The following FER1L5 variants were observed in gnomAD, a reference collection of about 807,000 sequenced individuals.
FER1L5 encodes fer-1-like protein 5.
Under a neutral mutation model 279.9 loss-of-function variants are expected in FER1L5, and 187 were observed. That is an observed-to-expected ratio of 0.67 (90% CI 0.59 to 0.75). The LOEUF is 0.75. FER1L5 is among the 30% of genes least tolerant of loss of function. The pLI is 0.00. For synonymous variants in FER1L5, 921 were observed against 989.7 expected, an observed-to-expected ratio of 0.93 and a Z score of 1.30; for missense variants, 2,091 against 2,594.4, an observed-to-expected ratio of 0.81 and a Z score of 4.21.
chr2:96,698,850 C>T lies in FER1L5; in HGVS notation c.4518+18C>T, dbSNP rs2077482240. On this transcript the variant is annotated intron_variant, in intron 41 of 52. Transcript: ENST00000624922. This position sits in a 1 kb window ranked among gnomAD's most constrained non-coding sequence, Gnocchi z 5.5. Reference sequence around the variant, plus strand: ...ATGGCCTGGTAAAGAACAGTACCTGCCCCACACAGGTGCCCCGCACGCTCC... The same window carrying T: ...ATGGCCTGGTAAAGAACAGTACCTGTCCCACACAGGTGCCCCGCACGCTCC... The T allele has an allele frequency of 6.4e-7, 1 of 1,555,944 alleles. No homozygotes were observed. The highest frequency in any genetic ancestry group is 8.7e-7 in the Non-Finnish European group (1 of 1,149,604).
intron 1 of FER1L5, among the ~76,000 whole-genome samples, chr2:96,645,657 C>T (rs112036964): frequency 0.1 from 15,927 of 151,998 alleles, 1,902 homozygotes; most frequent in African/African-American, 0.29. Flanking sequence ...GTATGGTGGC[C>T]TGTAGTCCAA....
intron 19 of FER1L5, among the ~76,000 whole-genome samples, chr2:96,675,331 A>G (rs1450058067): frequency 7.9e-5 from 12 of 152,236 alleles, no homozygotes; most frequent in Non-Finnish European, 1.8e-4. Flanking sequence ...AAGTGATTAT[A>G]CCAAATTACA....
At chr2:96,650,360 C>A in intron 6 of FER1L5, 71 bp downstream of exon 6, 2 of 1,280,246 alleles carry the variant, frequency 1.6e-6, no homozygotes, top group Non-Finnish European at 2.2e-6. Context: ...CCCAGGCCAC[C>A]TCACCCCTCC....
intron 10 of FER1L5, 76 bp downstream of exon 10, chr2:96,660,447 C>T (rs1273731010): frequency 3.6e-6 from 5 of 1,383,818 alleles, no homozygotes; most frequent in Non-Finnish European, 5.0e-6. Context: ...TTAAAATCCC[C>T]ATATGTCCAA....
At position 96,698,632 on chromosome 2, in the gene FER1L5, C is replaced by A; in HGVS notation, c.4357-39C>A. On this transcript the variant is annotated intron_variant, in intron 40 of 52. Coordinates refer to ENST00000624922, the MANE Select transcript of FER1L5 (RefSeq NM_001293083.2). This position sits in a 1 kb window ranked among gnomAD's most constrained non-coding sequence, Gnocchi z 5.5. ...CAGAGGGCTTTACAGAGCTGGCCAG[C>A]ACTGCCAGGCTGGGCCCCCAACACC... 4 of 1,533,122 alleles carry A rather than the reference C, an allele frequency of 2.6e-6. No homozygotes were observed. The highest frequency in any genetic ancestry group is 2.4e-5 in the East Asian group (1 of 41,476). 95.0% of individuals were successfully genotyped at this position (1,533,122 alleles called of 1,614,324 possible). A position where few individuals can be genotyped will look rare whatever the true frequency, so the allele number is the denominator to read the frequency against.
chr2:96,659,413 C>CTTTCTTTCTTTCTT (rs2075815562), intron 9 of FER1L5, among the ~76,000 whole-genome samples: 1 of 6,372 alleles, frequency 1.6e-4, no homozygotes, highest in Admixed American at 2.4e-3. Context: ...TTCTTTCTTT[C>CTTTCTTTCTTTCTT]TTTCTTTCTT....
chr2:96,677,637 G>A (rs1231991828), intron 19 of FER1L5, among the ~76,000 whole-genome samples: 1 of 152,034 alleles, frequency 6.6e-6, no homozygotes, highest in South Asian at 2.1e-4. Context: ...AGGCTGAGGC[G>A]GGTGGATCAC....
intron 10 of FER1L5, among the ~76,000 whole-genome samples, chr2:96,660,619 A>G (rs754305442): frequency 3.3e-5 from 5 of 152,190 alleles, no homozygotes; most frequent in South Asian, 2.1e-4. Flanking sequence ...CAGTGGCTCA[A>G]TCTTGGCTCA....
At chr2:96,648,663 C>A (rs1402971210) in intron 4 of FER1L5, among the ~76,000 whole-genome samples, 2 of 152,218 alleles carry the variant, frequency 1.3e-5, no homozygotes, top group Non-Finnish European at 1.5e-5. Context: ...AGCAGTCTGA[C>A]CTCCTACAAG....
At chr2:96,703,704 C>A in intron 51 of FER1L5, 72 bp downstream of exon 51, 1 of 1,381,866 alleles carries the variant, frequency 7.2e-7, no homozygotes, top group Non-Finnish European at 1.0e-6. Context: ...GACCAGTGGG[C>A]CTATCATGGA....
rs370597993 is a variant in FER1L5 at position 96,698,108 on chromosome 2, C to T, written c.4308C>T (p.Leu1436=). ...GLQDFCQTFK[L]YQEQPKLDSP... ...AGGACTTCTGCCAGACCTTCAAACT[C>T]TACCAGGAGCAGCCCAAGTTGGACA... The change falls in exon 40 of 53, where the codon CTC becomes CTT. Residue 1436 remains leucine (L), a synonymous_variant. Transcript: ENST00000624922. This position sits in a 1 kb window ranked among gnomAD's most constrained non-coding sequence, Gnocchi z 5.5. 57 of 1,586,122 alleles carry T rather than the reference C, an allele frequency of 3.6e-5. No individual in the cohort carries two copies. The highest frequency in any genetic ancestry group is 4.5e-5 in the Non-Finnish European group (52 of 1,166,506).
intron 18 of FER1L5, among the ~76,000 whole-genome samples, chr2:96,671,017 G>A (rs1428305229): frequency 6.9e-6 from 1 of 144,154 alleles, no homozygotes; most frequent in Non-Finnish European, 1.5e-5. Context: ...TGAGGCAGGA[G>A]GATTTCTTGA....
chr2:96,670,722 G>T (rs1438915414), intron 18 of FER1L5, among the ~76,000 whole-genome samples: 3 of 151,790 alleles, frequency 2.0e-5, no homozygotes, highest in Non-Finnish European at 2.9e-5. Flanking sequence ...GGAGGCGGAG[G>T]TTGCAGTGGG....
At chr2:96,701,051 C>T (rs1422415634) in intron 45 of FER1L5, among the ~76,000 whole-genome samples, 2 of 152,214 alleles carry the variant, frequency 1.3e-5, no homozygotes, top group South Asian at 2.1e-4. Context: ...CAGTGGCTCA[C>T]GCCTGTAATC....
chr2:96,646,774 C>G (rs762906045), intron 2 of FER1L5, among the ~76,000 whole-genome samples: 8 of 152,192 alleles, frequency 5.3e-5, no homozygotes, highest in Non-Finnish European at 1.2e-4. Flanking sequence ...GCATGACTCC[C>G]TCTCATCTGC....
rs374275745 is a variant in FER1L5 at position 96,691,689 on chromosome 2, C to T, written c.3075+77C>T. 20 of 1,532,312 alleles carry T rather than the reference C, an allele frequency of 1.3e-5. No individual in the cohort carries two copies. The highest frequency in any genetic ancestry group is 1.1e-4 in the African/African-American group (8 of 72,812). The allele number at this position is 1,532,312 out of a possible 1,614,324, so 94.9% of individuals were successfully genotyped here. A position where few individuals can be genotyped will look rare whatever the true frequency, so the allele number is the denominator to read the frequency against. ...AAGCCAGGGCCTGGCCTGGCTGGGG[C>T]GCTGACTGCGGAGGAAGGGCCTCTG... On this transcript the variant is annotated intron_variant, in intron 29 of 52. Transcript: ENST00000624922. The surrounding 1 kb of genome is among the most constrained non-coding windows in gnomAD (Gnocchi z 6.0).
chr2:96,660,509 T>C, intron 10 of FER1L5, 138 bp downstream of exon 10: 1 of 774,160 alleles, frequency 1.3e-6, no homozygotes, highest in Admixed American at 2.6e-5. Context: ...CTGTATTTGG[T>C]AATATTTCAC....
chr2:96,659,497 CTTTCTTTCTTTCGA>C (rs1282651734), intron 9 of FER1L5, among the ~76,000 whole-genome samples: 7 of 44,424 alleles, frequency 1.6e-4, no homozygotes, highest in East Asian at 1.2e-3. Context: ...TTCTTTCTTT[CTTTCTTTCTTTCGA>C]GACAGAGTCT....
chr2:96,694,702 T>A lies in FER1L5; in HGVS notation c.3741+238T>A. Reference sequence around the variant, plus strand: ...AGGCAAAGGGCTGTAGCATGCATGATCACTTGTGGGACTCACGCTGCCCCT... The same window carrying A: ...AGGCAAAGGGCTGTAGCATGCATGAACACTTGTGGGACTCACGCTGCCCCT... On this transcript the variant is annotated intron_variant, in intron 34 of 52. Transcript: ENST00000624922. This position sits in a 1 kb window ranked among gnomAD's most constrained non-coding sequence, Gnocchi z 4.6. The A allele has an allele frequency of 2.5e-6, 1 of 401,392 alleles. No individual in the cohort carries two copies. Among genetic ancestry groups the A allele is most frequent in the Non-Finnish European group, 4.4e-6 (1 of 227,164 alleles). 24.9% of individuals were successfully genotyped at this position (401,392 alleles called of 1,614,324 possible). A position where few individuals can be genotyped will look rare whatever the true frequency, so the allele number is the denominator to read the frequency against.
Sources: gnomAD v4.1 joint callset for allele counts (sites outside exome capture counted in the v4.1 genomes callset) on GRCh38, gnomAD v4.1.1 for gene constraint, Gnocchi (gnomAD v3.1) non-coding constraint, MANE v1.5 for transcripts, NCBI Gene and HGNC (gene_info 2026-07-23, HGNC 2026-07-21) for gene names.